The following TGFBR3 variants were observed in gnomAD, a reference collection of about 807,000 sequenced individuals.
The protein encoded by TGFBR3 is transforming growth factor beta receptor type 3.
In TGFBR3, 46 loss-of-function variants were observed where a neutral mutation model predicts 87.9. The ratio of observed to expected loss-of-function variants is 0.52; its 90% CI spans 0.41 to 0.67. The LOEUF is 0.67. Ranked by LOEUF, TGFBR3 falls within the 30% of genes least tolerant of loss-of-function variation. The pLI is 0.00. For missense variants in TGFBR3, 866 were observed against 1,041.9 expected (o/e 0.83, Z 2.32); for synonymous variants, 381 against 391.6 (o/e 0.97, Z 0.32).
At chr1:91,728,937 G>T (rs1672644649) in intron 6 of TGFBR3, among the ~76,000 whole-genome samples, 1 of 151,970 alleles carries the variant, frequency 6.6e-6, no homozygotes, top group Admixed American at 6.6e-5. Flanking sequence ...TTCCAATCCA[G>T]GGGTAGGAAG....
At chr1:91,800,020 C>T (rs1675539748) in intron 2 of TGFBR3, among the ~76,000 whole-genome samples, 1 of 151,864 alleles carries the variant, frequency 6.6e-6, no homozygotes, top group Admixed American at 6.6e-5. Context: ...TTATATGAGT[C>T]AGTCCAAGGT....
At position 91,712,103 on chromosome 1, in the gene TGFBR3, C is replaced by T. The variant is rs17879791; in HGVS notation, c.2166+140G>A. On this transcript the variant is annotated intron_variant, in intron 13 of 16. Transcript: ENST00000212355. ...CTAAGACTCCATAAAACTCACAGTT[C>T]CCTGCTAATAGTGACTTTAATATTT... The T allele has an allele frequency of 5.4e-4, 415 of 768,506 alleles. 3 individuals carry two copies. In the African/African-American group the frequency reaches 6.3e-3, roughly 12 times the overall value. The allele number at this position is 768,506 out of a possible 1,614,324, so 47.6% of individuals were successfully genotyped here.
chr1:91,697,335 CTGAT>C (rs1450385422), intron 15 of TGFBR3, among the ~76,000 whole-genome samples: 2 of 152,140 alleles, frequency 1.3e-5, no homozygotes, highest in Admixed American at 1.3e-4. Flanking sequence ...ACTTTCCAGA[CTGAT>C]TGTTAAATGT....
chr1:91,828,302 G>T (rs1056063527), intron 2 of TGFBR3, among the ~76,000 whole-genome samples: 1 of 152,056 alleles, frequency 6.6e-6, no homozygotes, highest in African/African-American at 2.4e-5. Flanking sequence ...CCACACCCCC[G>T]TCAATATTTT....
chr1:91,707,813 C>T (rs1196608475), intron 14 of TGFBR3, among the ~76,000 whole-genome samples: 1 of 152,212 alleles, frequency 6.6e-6, no homozygotes, highest in Non-Finnish European at 1.5e-5. Context: ...ACATTTGGTT[C>T]CACCCCTCAG....
chr1:91,701,857 CAG>C (rs961616377), intron 14 of TGFBR3, among the ~76,000 whole-genome samples: 1 of 152,174 alleles, frequency 6.6e-6, no homozygotes, highest in African/African-American at 2.4e-5. Context: ...CCATTTAAGA[CAG>C]AGTTTTTACT....
chr1:91,883,127 G>GT (rs1679162950), intron 1 of TGFBR3, among the ~76,000 whole-genome samples: 1 of 152,098 alleles, frequency 6.6e-6, no homozygotes, highest in South Asian at 2.1e-4. Flanking sequence ...TTTCTCCCAG[G>GT]TAAGTTGAAA....
intron 2 of TGFBR3, among the ~76,000 whole-genome samples, chr1:91,816,470 T>C (rs1309061398): frequency 6.6e-6 from 1 of 152,188 alleles, no homozygotes; most frequent in Non-Finnish European, 1.5e-5. Flanking sequence ...AGTAAGCAAA[T>C]ACATACTAAG....
intron 2 of TGFBR3, among the ~76,000 whole-genome samples, chr1:91,820,618 G>A (rs576575245): frequency 5.3e-5 from 8 of 152,154 alleles, no homozygotes; most frequent in Admixed American, 1.3e-4. Context: ...CCCAGGAGGC[G>A]GAGCTTGCAG....
In TGFBR3 at chr1:91,797,332, C is replaced by T. The variant is rs779598675; in HGVS notation, c.201G>A (p.Leu67=). 6.2e-7 allele frequency: 1 copy of T among 1,614,214 alleles called. No individual in the cohort carries two copies. Among genetic ancestry groups the T allele is most frequent in the Non-Finnish European group, 8.5e-7 (1 of 1,180,038 alleles). ...GCCCCTGGCCTGCAGTGCGGAGATT[C>T]AGGACATGCACCTCCTGTGGCAGCC... ...TTGLPQEVHV[L]NLRTAGQGPG... Residue 67 remains leucine, a synonymous_variant, in exon 3 of 17, where the codon CTG becomes CTA. Transcript: ENST00000212355.
chr1:91,830,303 C>T (rs1185257911), intron 2 of TGFBR3, among the ~76,000 whole-genome samples: 1 of 152,146 alleles, frequency 6.6e-6, no homozygotes, highest in African/African-American at 2.4e-5. Context: ...GGACTTGGTG[C>T]TCGTCCCCAA....
chr1:91,893,377 C>T (rs1188813520), intron 2 of TGFBR3, among the ~76,000 whole-genome samples: 3 of 151,984 alleles, frequency 2.0e-5, no homozygotes, highest in African/African-American at 2.4e-5. Context: ...CTTCACCTCC[C>T]GGGTTCAAGC....
intron 2 of TGFBR3, among the ~76,000 whole-genome samples, chr1:91,839,525 C>T (rs2129973): frequency 0.12 from 17,813 of 152,152 alleles, 1,324 homozygotes; most frequent in East Asian, 0.38. Flanking sequence ...CCAAGATTAA[C>T]GTCACTAGTA....
intron 2 of TGFBR3, among the ~76,000 whole-genome samples, chr1:91,859,695 G>T (rs540078136): frequency 3.9e-4 from 60 of 152,168 alleles, no homozygotes; most frequent in African/African-American, 1.2e-3. Context: ...GGAGGCTGAG[G>T]CCAGGAGATC....
chr1:91,746,738 TC>T (rs141975188), intron 4 of TGFBR3, among the ~76,000 whole-genome samples: 23,751 of 151,988 alleles, frequency 0.16, 1,965 homozygotes, highest in East Asian at 0.25. Context: ...GTTTTTTTTT[TC>T]ATCAAGGCTG....
intron 13 of TGFBR3, 62 bp from the exon 14 acceptor site, chr1:91,708,845 T>G: frequency 6.2e-7 from 1 of 1,600,222 alleles, no homozygotes; most frequent in Non-Finnish European, 8.5e-7. Flanking sequence ...TCACCAGCTC[T>G]ACCTGCACAG....
chr1:91,689,542 C>T (rs768629839), intron 16 of TGFBR3, among the ~76,000 whole-genome samples: 2 of 152,148 alleles, frequency 1.3e-5, no homozygotes, highest in Admixed American at 6.5e-5. Context: ...AAAAATTTAG[C>T]TGACACTAAA....
rs3038541 is a variant in TGFBR3 at position 91,695,110 on chromosome 1, C to CTT, written c.2437+560_2437+561dup. 1.5e-3 allele frequency among the ~76,000 whole-genome samples: 208 copies of CTT among 140,046 alleles called. 1 individual carries two copies. Among genetic ancestry groups the CTT allele is most frequent in the East Asian group, 0.011 (52 of 4,786 alleles). 91.9% of individuals were successfully genotyped at this position (140,046 alleles called of 152,430 possible). A position where few individuals can be genotyped will look rare whatever the true frequency, so the allele number is the denominator to read the frequency against. On this transcript the variant is annotated intron_variant, in intron 16 of 16. Coordinates refer to ENST00000212355, the MANE Select transcript of TGFBR3 (RefSeq NM_003243.5). Reference sequence around the variant, plus strand: ...GAAAATGAAGTGCTCTGTTTCATCACTTTTTTTTTTTTTTTCAGTTCATGG... The same window carrying CTT: ...GAAAATGAAGTGCTCTGTTTCATCACTTTTTTTTTTTTTTTTTCAGTTCATGG...
At chr1:91,859,702 G>A (rs1286455494) in intron 2 of TGFBR3, among the ~76,000 whole-genome samples, 1 of 152,028 alleles carries the variant, frequency 6.6e-6, no homozygotes, top group East Asian at 1.9e-4. Flanking sequence ...GAGGCCAGGA[G>A]ATCGAGACCA....
Sources: allele counts gnomAD v4.1 joint callset (sites outside exome capture counted in the v4.1 genomes callset), GRCh38; gene constraint gnomAD v4.1.1; transcripts MANE v1.5; gene names NCBI Gene and HGNC (gene_info 2026-07-23, HGNC 2026-07-21).